Variants in TMPRSS11E observed in about 807,000 individuals in gnomAD.
TMPRSS11E encodes transmembrane serine protease 11E, also known as transmembrane protease serine 11E.
In TMPRSS11E, 38 loss-of-function variants were observed where a neutral mutation model predicts 48.1. That is an observed-to-expected ratio of 0.79 (90% CI 0.61 to 1.04). The LOEUF (loss-of-function observed/expected upper bound fraction) is 1.04, where lower values mean the gene tolerates loss of function less well. Ranked by LOEUF, TMPRSS11E falls within the 50% of genes least tolerant of loss-of-function variation. The probability of loss-of-function intolerance (pLI) is 0.00; values close to 1 mark genes in which losing one functional copy is unlikely to be tolerated. For synonymous variants in TMPRSS11E, 158 were observed against 171.9 expected (o/e 0.92, Z 0.63); for missense variants, 530 against 510.8 (o/e 1.04, Z -0.36).
chr4:68,452,715 T>C (rs1230629413), intron 1 of TMPRSS11E, among the ~76,000 whole-genome samples: 3 of 152,010 alleles, frequency 2.0e-5, no homozygotes, highest in African/African-American at 7.2e-5. Flanking sequence ...GTTTCAACTT[T>C]CCTAATTCAG....
At chr4:68,474,932 T>A (rs1729169702) in intron 6 of TMPRSS11E, among the ~76,000 whole-genome samples, 171 bp downstream of exon 6, 1 of 152,096 alleles carries the variant, frequency 6.6e-6, no homozygotes, top group African/African-American at 2.4e-5. Context: ...ATTTTATTAG[T>A]AAAGGATAGC....
In TMPRSS11E at chr4:68,454,087, G is replaced by C. The variant is rs188162871; in HGVS notation, c.11+6564G>C. 1.1e-3 allele frequency among the ~76,000 whole-genome samples: 170 copies of C among 151,950 alleles called. 2 individuals are homozygous for C. The highest frequency in any genetic ancestry group is 1.7e-3 in the East Asian group (9 of 5,184). On this transcript the variant is annotated intron_variant, in intron 1 of 9. Transcript: ENST00000305363. Reference sequence around the variant, plus strand: ...TGCCTAACCAAAGATCAAGGTTTCTGTTATTAGAAAAAAAAGAATAAATAT... The same window carrying C: ...TGCCTAACCAAAGATCAAGGTTTCTCTTATTAGAAAAAAAAGAATAAATAT...
chr4:68,485,915 A>T (rs1341034586), intron 9 of TMPRSS11E, among the ~76,000 whole-genome samples: 1 of 151,970 alleles, frequency 6.6e-6, no homozygotes, highest in Non-Finnish European at 1.5e-5. Context: ...CATTCCTTCT[A>T]GATTTTCTAG....
At chr4:68,463,358 G>T (rs1486679370) in intron 2 of TMPRSS11E, among the ~76,000 whole-genome samples, 1 of 152,046 alleles carries the variant, frequency 6.6e-6, no homozygotes, top group Non-Finnish European at 1.5e-5. Flanking sequence ...CTGGAGTGCA[G>T]TGGCTCGATC....
chr4:68,483,450 T>G lies in TMPRSS11E; in HGVS notation c.1110+4459T>G, dbSNP rs145472841. On this transcript the variant is annotated intron_variant, in intron 9 of 9. Coordinates refer to ENST00000305363, the MANE Select transcript of TMPRSS11E (RefSeq NM_014058.4). ...GACAAATATTCAAACTGTATCTATGTTTTTTTTCCCCATTTTAAAAGGGAG... is the reference window on the plus strand; with the variant it reads ...GACAAATATTCAAACTGTATCTATGGTTTTTTTCCCCATTTTAAAAGGGAG... Among the ~76,000 whole-genome samples, 237 of 150,876 alleles carry G rather than the reference T, an allele frequency of 1.6e-3. 1 individual carries two copies. The highest frequency in any genetic ancestry group is 5.8e-3 in the African/African-American group (232 of 40,284).
chr4:68,483,556 C>T (rs1002963595), intron 9 of TMPRSS11E, among the ~76,000 whole-genome samples: 3 of 152,106 alleles, frequency 2.0e-5, no homozygotes, highest in Non-Finnish European at 4.4e-5. Flanking sequence ...GCATAGTTTG[C>T]AAATATTTTT....
At chr4:68,490,367 A>G in intron 9 of TMPRSS11E, among the ~76,000 whole-genome samples, 1 of 133,168 alleles carries the variant, frequency 7.5e-6, no homozygotes, top group East Asian at 2.0e-4. Context: ...TGAAAAAATT[A>G]AATTATTATT....
At chr4:68,491,035 G>A (rs1729705841) in intron 9 of TMPRSS11E, among the ~76,000 whole-genome samples, 1 of 151,692 alleles carries the variant, frequency 6.6e-6, no homozygotes, top group Non-Finnish European at 1.5e-5. Context: ...CTGGGATTAC[G>A]AGTGTGAGCC....
intron 9 of TMPRSS11E, among the ~76,000 whole-genome samples, chr4:68,482,857 G>C (rs778973322): frequency 6.6e-6 from 1 of 151,852 alleles, no homozygotes; most frequent in African/African-American, 2.4e-5. Flanking sequence ...TTTCACTGTC[G>C]ATGTAACTAT....
chr4:68,485,271 T>G (rs1312529280), intron 9 of TMPRSS11E, among the ~76,000 whole-genome samples: 1 of 152,040 alleles, frequency 6.6e-6, no homozygotes, highest in East Asian at 1.9e-4. Context: ...CTTAGCCTCC[T>G]GAGTAGCTGG....
chr4:68,458,644 A>G (rs1328953579), intron 1 of TMPRSS11E, among the ~76,000 whole-genome samples: 1 of 152,170 alleles, frequency 6.6e-6, no homozygotes, highest in Non-Finnish European at 1.5e-5. Flanking sequence ...CTTTGAGCAT[A>G]CTTTTTTCAC....
intron 5 of TMPRSS11E, among the ~76,000 whole-genome samples, chr4:68,472,227 T>A (rs1349849): frequency 0.33 from 50,532 of 151,564 alleles, 9,121 homozygotes; most frequent in East Asian, 0.76. Context: ...AATTAAGATC[T>A]GGCTAAGGGC....
intron 9 of TMPRSS11E, among the ~76,000 whole-genome samples, chr4:68,482,714 T>C (rs1729443066): frequency 6.6e-6 from 1 of 151,664 alleles, no homozygotes; most frequent in Admixed American, 6.6e-5. Flanking sequence ...TTAGGCTGCA[T>C]TGAGCTGTGA....
At chr4:68,455,225 T>C (rs1345703135) in intron 1 of TMPRSS11E, among the ~76,000 whole-genome samples, 1 of 151,948 alleles carries the variant, frequency 6.6e-6, no homozygotes, top group Admixed American at 6.6e-5. Context: ...ATTTGAAAAA[T>C]TGCCTGAAGT....
At chr4:68,492,716 C>A (rs533862825) in intron 9 of TMPRSS11E, among the ~76,000 whole-genome samples, 1 of 152,154 alleles carries the variant, frequency 6.6e-6, no homozygotes, top group African/African-American at 2.4e-5. Context: ...ATGTCTTGAG[C>A]AGTTGACAAA....
In TMPRSS11E at chr4:68,474,787, A is replaced by T. The variant is rs771275241; in HGVS notation, c.529+26A>T. On this transcript the variant is annotated intron_variant, in intron 6 of 9. Coordinates refer to ENST00000305363, the MANE Select transcript of TMPRSS11E (RefSeq NM_014058.4). The stretch of plus-strand genomic sequence containing the variant: ...GTAAGTTTAATATATTTATTAAAAT[A>T]GCATTACCTGAAGGTAAAAAGCTAA... 150 of 1,574,724 alleles carry T rather than the reference A, an allele frequency of 9.5e-5. 1 individual carries two copies. The highest frequency in any genetic ancestry group is 3.5e-4 in the Admixed American group (19 of 54,122).
Position 68,474,749 on chromosome 4 carries a change from T to C in TMPRSS11E, c.517T>C (p.Tyr173His). The C allele has an allele frequency of 1.2e-6, 2 of 1,603,708 alleles. No homozygotes were observed. The highest frequency in any genetic ancestry group is 1.7e-6 in the Non-Finnish European group (2 of 1,176,858). The change falls in exon 6 of 10, where the codon TAT (tyrosine) becomes CAT (histidine). Residue 173 changes from tyrosine to histidine, a missense_variant. By Grantham distance (83) the Tyr-to-His change is moderately conservative. Transcript: ENST00000305363. ...KKINKTETDS[Y>H]LNHCCGTRRS... Reference sequence around the variant, plus strand: ...AATCAACAAGACAGAAACAGACAGCTATCTAAACCATTGTAAGTTTAATAT... The same window carrying C: ...AATCAACAAGACAGAAACAGACAGCCATCTAAACCATTGTAAGTTTAATAT...
At chr4:68,488,237 G>A (rs1482067049) in intron 9 of TMPRSS11E, among the ~76,000 whole-genome samples, 2 of 152,150 alleles carry the variant, frequency 1.3e-5, no homozygotes, top group African/African-American at 4.8e-5. Context: ...TTTCAGGAAC[G>A]ATATTCATAA....
rs557223486 is a variant in TMPRSS11E at position 68,496,726 on chromosome 4, T to A, written c.1194T>A (p.Cys398Ter). Residue 398 changes from cysteine to a stop codon, truncating the protein, a stop_gained, in exon 10 of 10, where the codon TGT becomes TGA. Coordinates refer to ENST00000305363, the MANE Select transcript of TMPRSS11E (RefSeq NM_014058.4). LOFTEE classifies it high-confidence loss of function. ...LAGIVSWGDE[C>*]AKPNKPGVYT... ...GAATAGTGAGCTGGGGAGATGAATGTGCGAAACCCAACAAGCCTGGTGTTT... is the reference window on the plus strand; with the variant it reads ...GAATAGTGAGCTGGGGAGATGAATGAGCGAAACCCAACAAGCCTGGTGTTT... 1 of 1,613,702 alleles carries A rather than the reference T, an allele frequency of 6.2e-7. No homozygotes were observed. The highest frequency in any genetic ancestry group is 1.3e-5 in the African/African-American group (1 of 75,004).
Sources: allele counts gnomAD v4.1 joint callset (sites outside exome capture counted in the v4.1 genomes callset), GRCh38; gene constraint gnomAD v4.1.1; transcripts MANE v1.5; gene names NCBI Gene and HGNC (gene_info 2026-07-23, HGNC 2026-07-21).